AGBL4: variants seen among roughly 807,000 people sequenced by gnomAD.
AGBL4 encodes the protein AGBL carboxypeptidase 4, also known as cytosolic carboxypeptidase 6.
Under a neutral mutation model 66.4 loss-of-function variants are expected in AGBL4, and 58 were observed. The observed-to-expected ratio is 0.87, with a 90% confidence interval of 0.71 to 1.09. The LOEUF (loss-of-function observed/expected upper bound fraction) is 1.09, where lower values mean the gene tolerates loss of function less well. AGBL4 is among the 50% of genes least tolerant of loss of function. The pLI, the probability that AGBL4 is intolerant of heterozygous loss-of-function variation, is 0.00. For synonymous variants in AGBL4, 234 were observed against 222.9 expected (o/e 1.05, Z -0.44); for missense variants, 579 against 631.0 (o/e 0.92, Z 0.88).
intron 3 of AGBL4, among the ~76,000 whole-genome samples, chr1:49,502,865 A>C (rs1461813747): frequency 6.6e-6 from 1 of 152,102 alleles, no homozygotes; most frequent in South Asian, 2.1e-4. Flanking sequence ...GAGCATAAAA[A>C]TTTGGAAAAT....
At chr1:49,658,733 T>G (rs2124481800) in intron 3 of AGBL4, among the ~76,000 whole-genome samples, 1 of 152,168 alleles carries the variant, frequency 6.6e-6, no homozygotes, top group East Asian at 1.9e-4. Flanking sequence ...CTGGAAATCA[T>G]CATTCTCAGC....
At chr1:49,861,813 T>A (rs907645559) in intron 1 of AGBL4, among the ~76,000 whole-genome samples, 1 of 152,228 alleles carries the variant, frequency 6.6e-6, no homozygotes, top group Admixed American at 6.5e-5. Flanking sequence ...ACAACTCTGC[T>A]AGAACCACAA....
chr1:48,583,570 C>A (rs970060953), intron 11 of AGBL4, among the ~76,000 whole-genome samples: 6 of 152,182 alleles, frequency 3.9e-5, no homozygotes, highest in African/African-American at 9.7e-5. Flanking sequence ...ATTCCCACAG[C>A]AGGGGTTAGA....
chr1:48,763,008 AC>A (rs975258514), intron 6 of AGBL4, among the ~76,000 whole-genome samples: 4 of 152,272 alleles, frequency 2.6e-5, no homozygotes, highest in Admixed American at 2.6e-4. Context: ...TACACACTGA[AC>A]ATTCAATGGA....
intron 3 of AGBL4, among the ~76,000 whole-genome samples, chr1:49,692,543 C>A (rs1428756655): frequency 1.3e-5 from 2 of 151,924 alleles, no homozygotes; most frequent in Admixed American, 1.3e-4. Flanking sequence ...ACGGTGAAAC[C>A]CCGACTCTAC....
intron 6 of AGBL4, among the ~76,000 whole-genome samples, chr1:48,750,483 G>A (rs1295455785): frequency 6.6e-6 from 1 of 152,164 alleles, no homozygotes; most frequent in Admixed American, 6.5e-5. Context: ...TCCTACCCCA[G>A]CCATGTAAGG....
intron 4 of AGBL4, among the ~76,000 whole-genome samples, chr1:49,104,750 G>T (rs1455963959): frequency 6.6e-6 from 1 of 152,110 alleles, no homozygotes; most frequent in Non-Finnish European, 1.5e-5. Context: ...CATCACTCTA[G>T]GCATGAACGG....
chr1:49,099,923 G>A (rs895054761), intron 4 of AGBL4, among the ~76,000 whole-genome samples: 1 of 152,140 alleles, frequency 6.6e-6, no homozygotes, highest in Admixed American at 6.6e-5. Context: ...TTTAATATAT[G>A]CACACAAGCA....
intron 3 of AGBL4, among the ~76,000 whole-genome samples, chr1:49,643,579 T>C (rs888756988): frequency 3.3e-5 from 5 of 151,448 alleles, no homozygotes; most frequent in Non-Finnish European, 7.4e-5. Context: ...CAGAAGTAAC[T>C]ACAGAAAAAG....
At chr1:49,173,511 C>T (rs2148168991) in intron 4 of AGBL4, among the ~76,000 whole-genome samples, 2 of 152,248 alleles carry the variant, frequency 1.3e-5, no homozygotes, top group African/African-American at 4.8e-5. Context: ...AGTCATTAAG[C>T]CAGTCAGACC....
At chr1:49,996,869 C>CA (rs1192659862) in intron 1 of AGBL4, among the ~76,000 whole-genome samples, 2 of 152,052 alleles carry the variant, frequency 1.3e-5, no homozygotes, top group Non-Finnish European at 2.9e-5. Context: ...GATTTTTCAG[C>CA]AAAAACACAA....
chr1:49,148,643 C>T (rs886083097), intron 4 of AGBL4, among the ~76,000 whole-genome samples: 1 of 152,170 alleles, frequency 6.6e-6, no homozygotes, highest in Non-Finnish European at 1.5e-5. Flanking sequence ...CCTCTGGGTC[C>T]TGGTCACTAG....
At chr1:49,941,418 T>C (rs1654747320) in intron 1 of AGBL4, among the ~76,000 whole-genome samples, 1 of 151,878 alleles carries the variant, frequency 6.6e-6, no homozygotes, top group Non-Finnish European at 1.5e-5. Flanking sequence ...TCAAAGCAAA[T>C]TACTACAAGA....
At chr1:49,004,595 T>C (rs1296332606) in intron 5 of AGBL4, among the ~76,000 whole-genome samples, 3 of 152,256 alleles carry the variant, frequency 2.0e-5, no homozygotes, top group Non-Finnish European at 1.5e-5. Context: ...TCCTTGTCCA[T>C]AATTAGTTCA....
intron 1 of AGBL4, among the ~76,000 whole-genome samples, chr1:49,952,450 C>T (rs1255131979): frequency 6.6e-6 from 1 of 151,926 alleles, no homozygotes; most frequent in Non-Finnish European, 1.5e-5. Flanking sequence ...ATATAATTTA[C>T]TAAGGCTTGG....
chr1:49,696,681 G>A (rs1416182526), intron 3 of AGBL4, among the ~76,000 whole-genome samples: 1 of 149,370 alleles, frequency 6.7e-6, no homozygotes, highest in Admixed American at 6.7e-5. Flanking sequence ...TTCAAAATCT[G>A]AAAAAAAAAC....
chr1:48,999,187 C>A (rs1053514111), intron 5 of AGBL4, among the ~76,000 whole-genome samples: 1 of 152,098 alleles, frequency 6.6e-6, no homozygotes, highest in Admixed American at 6.5e-5. Context: ...CCCTTAAGGT[C>A]CCTTCCATCC....
At chr1:49,738,625 C>T (rs1650117790) in intron 2 of AGBL4, among the ~76,000 whole-genome samples, 2 of 152,180 alleles carry the variant, frequency 1.3e-5, no homozygotes, top group African/African-American at 4.8e-5. Flanking sequence ...GGTCCTTGAC[C>T]CCCAAGTAGC....
intron 5 of AGBL4, among the ~76,000 whole-genome samples, chr1:48,906,388 A>G (rs761535506): frequency 1.3e-5 from 2 of 152,182 alleles, no homozygotes; most frequent in Non-Finnish European, 2.9e-5. Context: ...CCCTGCCTTT[A>G]GCAAGCTTGG....
Sources: allele counts gnomAD v4.1 joint callset (sites outside exome capture counted in the v4.1 genomes callset), GRCh38; gene constraint gnomAD v4.1.1; transcripts MANE v1.5; gene names NCBI Gene and HGNC (gene_info 2026-07-23, HGNC 2026-07-21).